Variants in ATP2C1 observed in about 807,000 individuals in gnomAD.
The protein encoded by ATP2C1 is ATPase secretory pathway Ca2+ transporting 1, also known as calcium-transporting ATPase type 2C member 1.
ATP2C1 carries 31 observed loss-of-function variants against 120.5 expected under a neutral mutation model. The observed-to-expected ratio is 0.26, with a 90% CI of 0.19 to 0.35. The LOEUF is 0.35. Ranked by LOEUF, ATP2C1 falls within the 10% of genes least tolerant of loss-of-function variation. The pLI is 1.00. For synonymous variants in ATP2C1, 351 were observed against 358.7 expected (o/e 0.98, Z 0.24); for missense variants, 731 against 1,107.5 (o/e 0.66, Z 4.83).
At chr3:130,855,712 A>G (rs75727069) in intron 1 of ATP2C1, among the ~76,000 whole-genome samples, 2,677 of 152,290 alleles carry the variant, frequency 0.018, 79 homozygotes, top group African/African-American at 0.061. Context: ...GGGTCCAGAG[A>G]ATAGGTGATG....
intron 1 of ATP2C1, among the ~76,000 whole-genome samples, chr3:130,880,517 T>C (rs894925393): frequency 1.3e-5 from 2 of 152,258 alleles, no homozygotes; most frequent in African/African-American, 4.8e-5. Context: ...AAAGGCATAC[T>C]GTAAATGCTT....
At chr3:130,905,531 G>A (rs1036571440) in intron 2 of ATP2C1, among the ~76,000 whole-genome samples, 2 of 152,082 alleles carry the variant, frequency 1.3e-5, no homozygotes, top group Admixed American at 6.6e-5. Flanking sequence ...TTAAACTAGA[G>A]TACAATATTT....
intron 8 of ATP2C1, among the ~76,000 whole-genome samples, chr3:130,946,968 C>T (rs553686491): frequency 6.6e-5 from 10 of 152,326 alleles, no homozygotes; most frequent in Admixed American, 2.0e-4. Flanking sequence ...AGTTTGAGCC[C>T]TCTCCATTGG....
intron 3 of ATP2C1, among the ~76,000 whole-genome samples, chr3:130,931,506 G>T (rs2059445952): frequency 6.6e-6 from 1 of 152,014 alleles, no homozygotes; most frequent in African/African-American, 2.4e-5. Flanking sequence ...GACATTTATG[G>T]CCCATTGAAC....
chr3:130,966,157 G>A (rs2061039531), intron 14 of ATP2C1, among the ~76,000 whole-genome samples: 1 of 151,988 alleles, frequency 6.6e-6, no homozygotes, highest in African/African-American at 2.4e-5. Flanking sequence ...GTTGTACTTG[G>A]GTTTATTTAC....
intron 12 of ATP2C1, 177 bp from the exon 13 acceptor site, chr3:130,963,794 T>A: frequency 2.9e-6 from 2 of 680,688 alleles, no homozygotes. Flanking sequence ...GTGCTTAACC[T>A]GGCAGCTACT....
chr3:130,943,119 A>T (rs1300020387), intron 8 of ATP2C1, among the ~76,000 whole-genome samples: 1 of 152,236 alleles, frequency 6.6e-6, no homozygotes, highest in African/African-American at 2.4e-5. Flanking sequence ...ACAGTTAATT[A>T]TTTCAAAGTT....
chr3:131,014,047 A>C (rs769957396), intron 26 of ATP2C1: 4 of 1,537,376 alleles, frequency 2.6e-6, no homozygotes, highest in Non-Finnish European at 3.5e-6. Context: ...AGTTTGATGC[A>C]AACTGAGTTT....
intron 17 of ATP2C1, among the ~76,000 whole-genome samples, chr3:130,970,275 G>A (rs1194203908): frequency 6.6e-6 from 1 of 151,276 alleles, no homozygotes. Context: ...GCTGAGACAG[G>A]GGAATTGTTT....
chr3:130,881,343 TCTTCTCCTC>T (rs1411580990), intron 1 of ATP2C1, among the ~76,000 whole-genome samples: 23 of 149,158 alleles, frequency 1.5e-4, no homozygotes, highest in Non-Finnish European at 3.0e-4. Context: ...TTCTTCTTCT[TCTTCTCCTC>T]CTCCTCCTCC....
intron 2 of ATP2C1, among the ~76,000 whole-genome samples, chr3:130,902,284 G>GTT (rs1157956407): frequency 2.4e-4 from 16 of 65,504 alleles, no homozygotes; most frequent in East Asian, 3.6e-4. Context: ...AAGGCTTCAC[G>GTT]TTTTTTTTTT....
At chr3:130,995,187 A>G (rs952983608) in intron 22 of ATP2C1, among the ~76,000 whole-genome samples, 1 of 152,030 alleles carries the variant, frequency 6.6e-6, no homozygotes, top group African/African-American at 2.4e-5. Flanking sequence ...GCTGAGGTGG[A>G]TGGATCACTT....
chr3:130,996,027 AT>A lies in ATP2C1; in HGVS notation c.2058-10del. On this transcript the variant is annotated splice_polypyrimidine_tract_variant and intron_variant, in intron 22 of 27. Coordinates refer to ENST00000510168, the MANE Select transcript of ATP2C1 (RefSeq NM_001378687.1). ...GATAATATTTTCTCACTTCATCTTT[AT>A]TTTTTAAATTTCAGGTCTGCAATCG... 1 of 1,466,728 alleles carries A rather than the reference AT, an allele frequency of 6.8e-7. No individual in the cohort carries two copies. The highest frequency in any genetic ancestry group is 1.4e-5 in the African/African-American group (1 of 72,068). The allele number at this position is 1,466,728 out of a possible 1,614,324, so 90.9% of individuals were successfully genotyped here.
chr3:130,980,495 C>CT, intron 19 of ATP2C1, 87 bp from the exon 20 acceptor site: 1 of 910,394 alleles, frequency 1.1e-6, no homozygotes, highest in African/African-American at 1.6e-5. Flanking sequence ...GAACAGATAA[C>CT]AAATCATACT....
intron 25 of ATP2C1, 51 bp from the exon 26 acceptor site, chr3:130,998,243 A>T: frequency 8.5e-7 from 1 of 1,175,612 alleles, no homozygotes; most frequent in Non-Finnish European, 1.3e-6. Flanking sequence ...GCAGCGATTT[A>T]TCCATTAAAT....
Position 130,975,451 on chromosome 3 carries a change from A to G in ATP2C1, c.1533A>G (p.Gln511=). The change falls in exon 18 of 28, where the codon CAA becomes CAG. Residue 511 remains glutamine, a synonymous_variant. Transcript: ENST00000510168. Reference sequence around the variant, plus strand: ...CTCAGCAGCAGAGAGATGTGTACCAACAAGAGAAGGCACGCATGGGCTCAG... The same window carrying G: ...CTCAGCAGCAGAGAGATGTGTACCAGCAAGAGAAGGCACGCATGGGCTCAG... The part of the protein sequence containing the change: ...TLTQQQRDVY[Q]QEKARMGSAG... The G allele has an allele frequency of 6.2e-7, 1 of 1,613,840 alleles. No homozygotes were observed. Among genetic ancestry groups the G allele is most frequent in the Non-Finnish European group, 8.5e-7 (1 of 1,179,866 alleles).
exon 1 of ATP2C1, chr3:130,850,700 G>A (rs1462938160): frequency 4.0e-5 from 20 of 495,636 alleles, no homozygotes; most frequent in Non-Finnish European, 5.6e-5. Flanking sequence ...TGCTTTGTTT[G>A]TAGGAGGGAA....
intron 1 of ATP2C1, among the ~76,000 whole-genome samples, chr3:130,855,177 C>G (rs527876954): frequency 6.6e-6 from 1 of 152,142 alleles, no homozygotes; most frequent in Non-Finnish European, 1.5e-5. Flanking sequence ...TTTTCCAATT[C>G]GTGTCTCCAT....
intron 2 of ATP2C1, among the ~76,000 whole-genome samples, chr3:130,902,770 C>T (rs1404016141): frequency 2.0e-5 from 3 of 151,824 alleles, no homozygotes; most frequent in Admixed American, 6.6e-5. Flanking sequence ...CATTAGGTGG[C>T]TTTCTTTTGC....
Sources: allele counts gnomAD v4.1 joint callset (sites outside exome capture counted in the v4.1 genomes callset), GRCh38; gene constraint gnomAD v4.1.1; transcripts MANE v1.5; gene names NCBI Gene and HGNC (gene_info 2026-07-23, HGNC 2026-07-21).